TNFRSF11B: variants seen among roughly 807,000 people sequenced by gnomAD.
TNFRSF11B encodes TNF receptor superfamily member 11b, also known as tumor necrosis factor receptor superfamily member 11B.
A neutral mutation model predicts 43.4 loss-of-function variants in TNFRSF11B; 16 were observed. That is an observed-to-expected ratio of 0.37 (90% confidence interval 0.25 to 0.56). The LOEUF is 0.56. Among genes scored for constraint, TNFRSF11B ranks in the 20% least tolerant of loss-of-function variants. The probability of loss-of-function intolerance (pLI) is 0.80; values close to 1 mark genes in which losing one functional copy is unlikely to be tolerated. For missense variants in TNFRSF11B, 444 were observed against 490.1 expected, an observed-to-expected ratio of 0.91 and a Z score of 0.89; for synonymous variants, 185 against 181.8, an observed-to-expected ratio of 1.02 and a Z score of -0.14.
intron 1 of TNFRSF11B, among the ~76,000 whole-genome samples, chr8:118,935,788 A>C (rs1394550913): frequency 1.4e-5 from 2 of 144,022 alleles, no homozygotes; most frequent in Non-Finnish European, 3.2e-5. Context: ...TGCTTTCAAG[A>C]GGCCTGGCTT....
chr8:118,926,444 A>T lies in TNFRSF11B; in HGVS notation c.817+50T>A, dbSNP rs936869456. On this transcript the variant is annotated intron_variant, in intron 4 of 4. Transcript: ENST00000297350. ...GCAGTCTTGTTCCTGGTTTATGATA[A>T]ATAGGTGTCTTTGATTTCTGATTGA... is the stretch of plus-strand genomic sequence containing the variant. The T allele has an allele frequency of 2.7e-6, 4 of 1,472,802 alleles. No homozygotes were observed. In the African/African-American group the frequency reaches 5.6e-5, roughly 20 times the overall value. 91.2% of individuals were successfully genotyped at this position (1,472,802 alleles called of 1,614,324 possible).
rs565073407 is a variant in TNFRSF11B, at chr8:118,940,960, C to A, written c.31-7660G>T. On this transcript the variant is annotated intron_variant, in intron 1 of 4. Coordinates refer to ENST00000297350, the MANE Select transcript of TNFRSF11B (RefSeq NM_002546.4). The stretch of plus-strand genomic sequence containing the variant: ...GGCAAGTATTCAATATATCTTTTTT[C>A]AAATCATTAGACATATTGATTATCT... 2.6e-5 allele frequency among the ~76,000 whole-genome samples: 4 copies of A among 152,174 alleles called. No individual in the cohort carries two copies. In the East Asian group the frequency reaches 7.7e-4, roughly 29 times the overall value.
At chr8:118,940,972 CAT>C (rs1490356974) in intron 1 of TNFRSF11B, among the ~76,000 whole-genome samples, 2 of 152,096 alleles carry the variant, frequency 1.3e-5, no homozygotes, top group African/African-American at 4.8e-5. Context: ...AATCATTAGA[CAT>C]ATTGATTATC....
intron 1 of TNFRSF11B, among the ~76,000 whole-genome samples, chr8:118,948,091 T>C (rs1008719139): frequency 6.6e-6 from 1 of 152,206 alleles, no homozygotes; most frequent in Non-Finnish European, 1.5e-5. Flanking sequence ...ATTGTAAAAG[T>C]GCATGAAAGA....
intron 3 of TNFRSF11B, 115 bp downstream of exon 3, chr8:118,928,623 C>G (rs766519632): frequency 2.9e-5 from 35 of 1,193,482 alleles, no homozygotes; most frequent in Non-Finnish European, 4.1e-5. Flanking sequence ...GGTTAAGATT[C>G]AAGAAAGGGA....
At chr8:118,935,620 A>G (rs1812395556) in intron 1 of TNFRSF11B, among the ~76,000 whole-genome samples, 1 of 152,186 alleles carries the variant, frequency 6.6e-6, no homozygotes, top group South Asian at 2.1e-4. Context: ...TATATATGAT[A>G]CATAATTCAG....
At position 118,935,537 on chromosome 8, in the gene TNFRSF11B, G is replaced by T. The variant is rs1188652223; in HGVS notation, c.31-2237C>A. ...ACATGTCTGACTTTGTTGCTAGTTT[G>T]TCATTTGAATATATAATGGGACAAC... is the stretch of plus-strand genomic sequence containing the variant. On this transcript the variant is annotated intron_variant, in intron 1 of 4. Transcript: ENST00000297350. 3.4e-5 allele frequency among the ~76,000 whole-genome samples: 5 copies of T among 147,288 alleles called. No homozygotes were observed. The East Asian group carries it at 9.9e-4, about 29-fold the overall frequency.
chr8:118,941,433 C>T (rs1282905069), intron 1 of TNFRSF11B, among the ~76,000 whole-genome samples: 1 of 152,148 alleles, frequency 6.6e-6, no homozygotes, highest in African/African-American at 2.4e-5. Flanking sequence ...GGAAAAGAAG[C>T]ACAAACAATT....
intron 1 of TNFRSF11B, among the ~76,000 whole-genome samples, chr8:118,938,558 C>T (rs578091602): frequency 2.7e-4 from 41 of 152,252 alleles, no homozygotes; most frequent in South Asian, 1.9e-3. Context: ...CTTTCCCTTA[C>T]GCTATTCCCT....
intron 4 of TNFRSF11B, among the ~76,000 whole-genome samples, chr8:118,926,051 A>G (rs559047341): frequency 5.3e-5 from 8 of 152,358 alleles, no homozygotes; most frequent in Middle Eastern, 3.4e-3. Context: ...TAATAAGAAC[A>G]TATTTGTAAG....
chr8:118,933,609 C>T (rs993777610), intron 1 of TNFRSF11B, among the ~76,000 whole-genome samples: 2 of 152,106 alleles, frequency 1.3e-5, no homozygotes, highest in African/African-American at 2.4e-5. Context: ...GACACTTTGT[C>T]GTCTTGGGTT....
chr8:118,929,795 C>CTAGT (rs1160102500), intron 2 of TNFRSF11B, among the ~76,000 whole-genome samples: 1 of 152,178 alleles, frequency 6.6e-6, no homozygotes, highest in Non-Finnish European at 1.5e-5. Context: ...ATATCTCCAT[C>CTAGT]TAGTGTAAGC....
Position 118,924,582 on chromosome 8 carries a change from C to T in TNFRSF11B, c.998G>A (p.Arg333Gln), listed in dbSNP as rs145544246. ...DQILKLLSLW[R>Q]IKNGDQDTLK... ...GGTGTCTTGGTCGCCATTTTTTATTCGCCACAAACTGAGCAGCTTCAGGAT... is the reference window on the plus strand; with the variant it reads ...GGTGTCTTGGTCGCCATTTTTTATTTGCCACAAACTGAGCAGCTTCAGGAT... Residue 333 changes from arginine (R) to glutamine (Q), a missense_variant, in exon 5 of 5, where the codon CGA (arginine) becomes CAA (glutamine). Arg to Gln is a conservative substitution (Grantham distance 43). Coordinates refer to ENST00000297350, the MANE Select transcript of TNFRSF11B (RefSeq NM_002546.4). 37 of 1,613,994 alleles carry T rather than the reference C, an allele frequency of 2.3e-5. No homozygotes were observed. Among genetic ancestry groups the T allele is most frequent in the African/African-American group, 6.7e-5 (5 of 74,884 alleles).
intron 1 of TNFRSF11B, 58 bp downstream of exon 1, chr8:118,951,733 AC>A: frequency 6.6e-7 from 1 of 1,514,016 alleles, no homozygotes; most frequent in Non-Finnish European, 9.0e-7. Flanking sequence ...AGGTTGGGAG[AC>A]CAGGTGGCAG....
intron 1 of TNFRSF11B, among the ~76,000 whole-genome samples, chr8:118,941,077 G>C (rs1374235086): frequency 1.3e-5 from 2 of 152,162 alleles, no homozygotes; most frequent in African/African-American, 2.4e-5. Context: ...CACAAAGCCT[G>C]CAGTTTTCTC....
rs921305201 is a variant in TNFRSF11B, at chr8:118,951,186, T to A, written c.30+606A>T. ...AACATACTGCCAATATTCTCCACAG[T>A]ATATTGAAGTTGAGAAGTGAAATAA... On this transcript the variant is annotated intron_variant, in intron 1 of 4. Coordinates refer to ENST00000297350, the MANE Select transcript of TNFRSF11B (RefSeq NM_002546.4). Among the ~76,000 whole-genome samples, 16 of 152,326 alleles carry A rather than the reference T, an allele frequency of 1.1e-4. No individual in the cohort carries two copies. The East Asian group carries it at 3.1e-3, about 29-fold the overall frequency.
At chr8:118,926,020 T>C (rs937723629) in intron 4 of TNFRSF11B, among the ~76,000 whole-genome samples, 2 of 152,236 alleles carry the variant, frequency 1.3e-5, no homozygotes, top group Admixed American at 6.5e-5. Flanking sequence ...ATAATTTTAA[T>C]GCAGGCCATA....
chr8:118,949,311 GGAT>G lies in TNFRSF11B; in HGVS notation c.30+2478_30+2480del, dbSNP rs1376103998. 5.3e-5 allele frequency among the ~76,000 whole-genome samples: 8 copies of G among 152,194 alleles called. No homozygotes were observed. The East Asian group carries it at 1.2e-3, about 22-fold the overall frequency. ...AATGAAACGTCATACCCCTCCTCCA[GGAT>G]GACGGTAGATGGCCATCTCTCCCTC... On this transcript the variant is annotated intron_variant, in intron 1 of 4. Transcript: ENST00000297350.
chr8:118,928,994 AAC>A (rs922478467), intron 2 of TNFRSF11B, 65 bp from the exon 3 acceptor site: 25 of 1,484,030 alleles, frequency 1.7e-5, no homozygotes, highest in Non-Finnish European at 2.3e-5. Context: ...ATGCCCTCTT[AAC>A]ACAGTTTTGG....
Sources: gnomAD v4.1 joint callset for allele counts (sites outside exome capture counted in the v4.1 genomes callset) on GRCh38, gnomAD v4.1.1 for gene constraint, MANE v1.5 for transcripts, NCBI Gene and HGNC (gene_info 2026-07-23, HGNC 2026-07-21) for gene names.